Variants in TRAK1 observed in about 807,000 individuals in gnomAD.
The protein encoded by TRAK1 is trafficking kinesin protein 1.
A neutral mutation model predicts 92.1 loss-of-function variants in TRAK1; 33 were observed. The ratio of observed to expected loss-of-function variants is 0.36; its 90% CI spans 0.27 to 0.48. The LOEUF (loss-of-function observed/expected upper bound fraction) is 0.48, where lower values mean the gene tolerates loss of function less well. Among genes scored for constraint, TRAK1 ranks in the 20% least tolerant of loss-of-function variants. The probability of loss-of-function intolerance (pLI) is 0.99; values close to 1 mark genes in which losing one functional copy is unlikely to be tolerated. For synonymous variants in TRAK1, 521 were observed against 517.3 expected (o/e 1.01, Z -0.10); for missense variants, 1,123 against 1,257.9 (o/e 0.89, Z 1.62).
upstream of TRAK1, chr3:42,013,702 C>T (rs1438059945): frequency 6.8e-6 from 1 of 147,224 alleles, no homozygotes; most frequent in African/African-American, 2.5e-5. The surrounding 1 kb of genome is among the most constrained non-coding windows in gnomAD (Gnocchi z 5.1). Context: ...TGCCCGCGTC[C>T]GCAGCAGCGC....
At chr3:42,210,299 A>G in intron 14 of TRAK1, 1 of 1,514,004 alleles carries the variant, frequency 6.6e-7, no homozygotes, top group Non-Finnish European at 8.8e-7. Context: ...TTTTAAATAC[A>G]GAGTCTGATG....
Position 42,193,824 on chromosome 3 carries a change from T to C in TRAK1, c.901T>C (p.Cys301Arg). 1 of 1,614,174 alleles carries C rather than the reference T, an allele frequency of 6.2e-7. No homozygotes were observed. Among genetic ancestry groups the C allele is most frequent in the Non-Finnish European group, 8.5e-7 (1 of 1,180,016 alleles). Residue 301 changes from cysteine to arginine, a missense_variant and splice_region_variant, in exon 9 of 16, where the codon TGC becomes CGC. Physicochemically the swap from Cys to Arg is radical, Grantham distance 180 (BLOSUM62 -3). Around this residue, in one of 3 missense-constraint regions of TRAK1, gnomAD observed 686 missense variants for 747.6 expected, o/e 0.92. Coordinates refer to ENST00000327628, the MANE Select transcript of TRAK1 (RefSeq NM_001042646.3). ...IVDLQKKAKA[C>R]AVENEELVQH... ...GTGATCTATCTTTGCCATGCTTTAG[T>C]GCGCAGTGGAAAATGAAGAACTTGT... is the stretch of plus-strand genomic sequence containing the variant.
intron 2 of TRAK1, among the ~76,000 whole-genome samples, chr3:42,125,879 C>CTAG (rs1200100048): frequency 6.6e-6 from 1 of 152,160 alleles, no homozygotes; most frequent in African/African-American, 2.4e-5. Context: ...GAGATGGAGT[C>CTAG]TAGCTCTCTT....
intron 3 of TRAK1, among the ~76,000 whole-genome samples, chr3:42,179,430 G>C (rs906490860): frequency 6.6e-6 from 1 of 152,210 alleles, no homozygotes; most frequent in Non-Finnish European, 1.5e-5. Flanking sequence ...TGGAGAGTTC[G>C]CTTCTGGTTT....
chr3:42,025,544 G>A (rs894074086), intron 1 of TRAK1, among the ~76,000 whole-genome samples: 1 of 152,138 alleles, frequency 6.6e-6, no homozygotes, highest in African/African-American at 2.4e-5. Flanking sequence ...TCTGTTCAAA[G>A]GGAGAGGGGA....
At chr3:42,222,301 T>C (rs1049863000) in intron 15 of TRAK1, among the ~76,000 whole-genome samples, 3 of 152,146 alleles carry the variant, frequency 2.0e-5, no homozygotes. Context: ...AGAATGGATT[T>C]GGGCAAGGAT....
rs188807758 is a variant in TRAK1 at position 42,129,756 on chromosome 3, C to T, written c.286+4142C>T. Reference sequence around the variant, plus strand: ...TCTTGCATTCTGCACATGAGGATGGCGAGGCTCAGGGAAGTTAGGGAAAAG... The same window carrying T: ...TCTTGCATTCTGCACATGAGGATGGTGAGGCTCAGGGAAGTTAGGGAAAAG... On this transcript the variant is annotated intron_variant, in intron 2 of 15. Coordinates refer to ENST00000327628, the MANE Select transcript of TRAK1 (RefSeq NM_001042646.3). 2.5e-3 allele frequency among the ~76,000 whole-genome samples: 384 copies of T among 152,162 alleles called. 1 individual carries two copies. Among genetic ancestry groups the T allele is most frequent in the African/African-American group, 8.8e-3 (367 of 41,510 alleles).
At chr3:42,081,195 G>T (rs1704420376) in intron 1 of TRAK1, among the ~76,000 whole-genome samples, 1 of 152,128 alleles carries the variant, frequency 6.6e-6, no homozygotes, top group Non-Finnish European at 1.5e-5. Flanking sequence ...CACATTTGAT[G>T]TATATTGGTC....
chr3:42,057,854 G>A (rs548381567), intron 1 of TRAK1, among the ~76,000 whole-genome samples: 2 of 152,308 alleles, frequency 1.3e-5, no homozygotes, highest in African/African-American at 2.4e-5. Context: ...CCCACACCAT[G>A]TTAATCAGTT....
In TRAK1 at chr3:42,191,341, A is replaced by G. The variant is rs763547862; in HGVS notation, c.691-217A>G. On this transcript the variant is annotated intron_variant, in intron 6 of 15. Coordinates refer to ENST00000327628, the MANE Select transcript of TRAK1 (RefSeq NM_001042646.3). The stretch of plus-strand genomic sequence containing the variant: ...GCTGTGTGTGGCGCCCTCTAGTGGT[A>G]TGCGTTTTTCAGGTTTTCAGCTTTG... Among the ~76,000 whole-genome samples, 24 of 152,168 alleles carry G rather than the reference A, an allele frequency of 1.6e-4. 1 individual carries two copies. Among genetic ancestry groups the G allele is most frequent in the African/African-American group, 5.1e-4 (21 of 41,436 alleles).
At chr3:42,128,231 G>C (rs1226501578) in intron 2 of TRAK1, among the ~76,000 whole-genome samples, 1 of 152,194 alleles carries the variant, frequency 6.6e-6, no homozygotes, top group Non-Finnish European at 1.5e-5. Context: ...TGAACAGAGA[G>C]TGAGTGTCTT....
chr3:42,117,932 G>A (rs555503635), intron 1 of TRAK1, among the ~76,000 whole-genome samples: 57 of 151,988 alleles, frequency 3.8e-4, no homozygotes, highest in Non-Finnish European at 6.6e-4. Context: ...CGATTCTCCC[G>A]CCTCAGCCTC....
intron 10 of TRAK1, among the ~76,000 whole-genome samples, chr3:42,197,078 A>G (rs1294875528): frequency 1.3e-5 from 2 of 151,630 alleles, no homozygotes; most frequent in Admixed American, 1.3e-4. Flanking sequence ...TTTTATAATC[A>G]TAATTTTATT....
chr3:42,178,837 T>TG (rs1159301758), intron 3 of TRAK1, among the ~76,000 whole-genome samples: 1 of 152,042 alleles, frequency 6.6e-6, no homozygotes, highest in East Asian at 1.9e-4. Flanking sequence ...TAGCCAGGTA[T>TG]GGTGGCCTGT....
chr3:42,220,716 A>T, intron 15 of TRAK1: 1 of 615,796 alleles, frequency 1.6e-6, no homozygotes, highest in Non-Finnish European at 2.0e-6. Context: ...TGCCTGGCTA[A>T]CTCGGCCTTG....
Position 42,102,241 on chromosome 3 carries a change from C to T in TRAK1, c.91+10681C>T, listed in dbSNP as rs540926398. 7.9e-5 allele frequency among the ~76,000 whole-genome samples: 12 copies of T among 152,372 alleles called. No individual in the cohort carries two copies. The South Asian group carries it at 2.5e-3, about 32-fold the overall frequency. ...CCTCCAGTGATCCGCCTGCCTTGGC[C>T]TCCCAGGGTGCTGGGATTATAGGCG... On this transcript the variant is annotated intron_variant, in intron 1 of 15. Coordinates refer to ENST00000327628, the MANE Select transcript of TRAK1 (RefSeq NM_001042646.3).
chr3:42,182,665 C>G (rs1704185728), intron 3 of TRAK1, among the ~76,000 whole-genome samples: 2 of 152,108 alleles, frequency 1.3e-5, no homozygotes, highest in Admixed American at 1.3e-4. Context: ...TGTGGAAGGC[C>G]TGGAGGAGAG....
intron 2 of TRAK1, among the ~76,000 whole-genome samples, chr3:42,160,774 C>G (rs1036237144): frequency 6.6e-6 from 1 of 152,092 alleles, no homozygotes; most frequent in Non-Finnish European, 1.5e-5. Context: ...ACTTCCCGAT[C>G]TTTGTAATGG....
Position 42,116,075 on chromosome 3 carries a change from T to A in TRAK1, c.92-9345T>A, listed in dbSNP as rs185102643. Among the ~76,000 whole-genome samples the A allele has an allele frequency of 2.6e-5, 4 of 152,380 alleles. No homozygotes were observed. The East Asian group carries it at 7.7e-4, about 29-fold the overall frequency. ...TTTGCGTTGTTCAGCAAACATTTAT[T>A]GAACACTTACTAGTTACCAGGCAGG... On this transcript the variant is annotated intron_variant, in intron 1 of 15. Coordinates refer to ENST00000327628, the MANE Select transcript of TRAK1 (RefSeq NM_001042646.3).
Sources: allele counts gnomAD v4.1 joint callset (sites outside exome capture counted in the v4.1 genomes callset), GRCh38; gene constraint gnomAD v4.1.1; regional missense constraint gnomAD v4.1.1; non-coding constraint Gnocchi (gnomAD v3.1); transcripts MANE v1.5; gene names NCBI Gene and HGNC (gene_info 2026-07-23, HGNC 2026-07-21).